Variants in LRRD1 observed in about 807,000 individuals in gnomAD.
LRRD1 encodes leucine rich repeats and death domain containing 1, also known as leucine-rich repeat and death domain-containing protein 1.
LRRD1 carries 49 observed loss-of-function variants against 69.5 expected under a neutral mutation model. The ratio of observed to expected loss-of-function variants is 0.70; its 90% CI spans 0.56 to 0.89. The LOEUF (loss-of-function observed/expected upper bound fraction) is 0.89. Ranked by LOEUF, LRRD1 falls within the 40% of genes least tolerant of loss-of-function variation. The probability of loss-of-function intolerance (pLI) is 0.00; values close to 1 mark genes in which losing one functional copy is unlikely to be tolerated. For synonymous variants in LRRD1, 303 were observed against 338.9 expected, an observed-to-expected ratio of 0.89 and a Z score of 1.16; for missense variants, 853 against 956.0, an observed-to-expected ratio of 0.89 and a Z score of 1.42.
At chr7:92,142,586 A>T (rs954589481), downstream of LRRD1, 2 of 453,072 alleles carry the variant, frequency 4.4e-6, no homozygotes, top group African/African-American at 2.0e-5. Context: ...GACTTCAAGT[A>T]TGAAGCCGAC....
chr7:92,142,763 G>A (rs1179131926), downstream of LRRD1: 4 of 443,280 alleles, frequency 9.0e-6, no homozygotes, highest in Admixed American at 2.5e-5. Context: ...AAGGCGGCGC[G>A]TCTGGAGTTG....
intron 5 of LRRD1, 88 bp downstream of exon 5, chr7:92,145,995 A>T (rs1820314755): frequency 1.5e-6 from 1 of 676,080 alleles, no homozygotes; most frequent in Non-Finnish European, 2.4e-6. Flanking sequence ...GATTGTGTTA[A>T]TACGAATGTT....
intron 2 of LRRD1, among the ~76,000 whole-genome samples, chr7:92,162,947 T>G (rs772724372): frequency 6.6e-6 from 1 of 152,218 alleles, no homozygotes. Context: ...TTTGTCTTAC[T>G]TTTATCACTT....
intron 4 of LRRD1, among the ~76,000 whole-genome samples, chr7:92,149,092 G>A (rs141216597): frequency 6.6e-6 from 1 of 152,286 alleles, no homozygotes; most frequent in East Asian, 1.9e-4. Context: ...AACTTGCACA[G>A]TAAGTTAAAG....
In LRRD1 at chr7:92,153,585, T is replaced by C. The variant is rs184468676; in HGVS notation, c.2117-2890A>G. On this transcript the variant is annotated intron_variant, in intron 3 of 5. Transcript: ENST00000458448. ...TGGCTCATGCCTATAATCTCAGCACTTTGGGAGGCCAAGGCGGGTGGATAA... is the reference window on the plus strand; with the variant it reads ...TGGCTCATGCCTATAATCTCAGCACCTTGGGAGGCCAAGGCGGGTGGATAA... Among the ~76,000 whole-genome samples, 1,018 of 151,740 alleles carry C rather than the reference T, an allele frequency of 6.7e-3. 12 individuals carry two copies. Among genetic ancestry groups the C allele is most frequent in the African/African-American group, 0.023 (968 of 41,464 alleles).
rs573396201 is a variant in LRRD1 at position 92,163,899 on chromosome 7, T to C, written c.1304A>G (p.Asp435Gly). Residue 435 changes from aspartate to glycine, a missense_variant, in exon 2 of 6, where the codon GAC (aspartate) becomes GGC (glycine). Coordinates refer to ENST00000458448, the MANE Select transcript of LRRD1 (RefSeq NM_001161528.2). ...VNRNNMVKIT[D>G]CISHLNNICS... ...TATGTTATTAAGATGTGAGATACAG[T>C]CAGTTATTTTTACCATATTATTTCT... 230 of 1,533,952 alleles carry C rather than the reference T, an allele frequency of 1.5e-4. No individual in the cohort carries two copies. Among genetic ancestry groups the C allele is most frequent in the Non-Finnish European group, 2.0e-4 (223 of 1,140,138 alleles).
chr7:92,144,487 C>T (rs1325542502), downstream of LRRD1, among the ~76,000 whole-genome samples: 3 of 151,860 alleles, frequency 2.0e-5, no homozygotes, highest in South Asian at 2.1e-4. Flanking sequence ...ATTATCCCGG[C>T]GTGGTGGTGG....
chr7:92,158,964 C>CT, intron 3 of LRRD1, 41 bp downstream of exon 3: 5 of 1,478,180 alleles, frequency 3.4e-6, no homozygotes, highest in Non-Finnish European at 4.5e-6. Flanking sequence ...CATTAATACT[C>CT]TACTTATTGA....
intron 4 of LRRD1, among the ~76,000 whole-genome samples, chr7:92,148,775 T>G (rs1820394672): frequency 6.6e-6 from 1 of 152,120 alleles, no homozygotes; most frequent in Admixed American, 6.5e-5. Flanking sequence ...TTAGACGGAG[T>G]CTCGCACTGT....
intron 4 of LRRD1, 44 bp from the exon 5 acceptor site, chr7:92,146,244 TAATC>T (rs1820320457): frequency 1.0e-6 from 1 of 975,290 alleles, no homozygotes; most frequent in Non-Finnish European, 1.5e-6. Context: ...TTGAAAAAGA[TAATC>T]TATTTTGAGT....
intron 2 of LRRD1, among the ~76,000 whole-genome samples, chr7:92,160,467 T>G (rs1788772497): frequency 6.6e-6 from 1 of 152,170 alleles, no homozygotes; most frequent in African/African-American, 2.4e-5. Context: ...GGTACATTAC[T>G]ACAAATCAGA....
chr7:92,165,413 T>C (rs995929785), intron 1 of LRRD1, 137 bp from the exon 2 acceptor site: 9 of 282,852 alleles, frequency 3.2e-5, no homozygotes, highest in Admixed American at 2.9e-4. Context: ...TAATTTTATA[T>C]ATAATTCCTG....
At chr7:92,172,849 T>C (rs1029224330) in intron 1 of LRRD1, among the ~76,000 whole-genome samples, 7 of 151,944 alleles carry the variant, frequency 4.6e-5, no homozygotes, top group African/African-American at 1.7e-4. Context: ...TCCAATCCTA[T>C]AATTTATATG....
At position 92,170,872 on chromosome 7, in the gene LRRD1, A is replaced by G. The variant is rs532827466; in HGVS notation, c.-74-5596T>C. On this transcript the variant is annotated intron_variant, in intron 1 of 5. Transcript: ENST00000458448. ...ATGTTTTCTGACAACAATGGAATAA[A>G]ACAGGAAATCAATATCAAGAGGAAC... 8.5e-5 allele frequency among the ~76,000 whole-genome samples: 13 copies of G among 152,346 alleles called. No individual in the cohort carries two copies. The South Asian group carries it at 2.7e-3, about 32-fold the overall frequency.
At chr7:92,143,493 G>A (rs545271330), downstream of LRRD1, among the ~76,000 whole-genome samples, 1,062 of 152,304 alleles carry the variant, frequency 7.0e-3, 16 homozygotes, top group African/African-American at 0.024. Flanking sequence ...ATGGTGGGCT[G>A]CAGGTCCCGA....
chr7:92,158,942 T>C, intron 3 of LRRD1, 63 bp downstream of exon 3: 1 of 1,349,742 alleles, frequency 7.4e-7, no homozygotes, highest in Non-Finnish European at 1.0e-6. Context: ...TCAGCAAAAT[T>C]TGCAACTCAG....
At chr7:92,170,012 G>A (rs1179787727) in intron 1 of LRRD1, among the ~76,000 whole-genome samples, 2 of 151,352 alleles carry the variant, frequency 1.3e-5, no homozygotes, top group African/African-American at 4.9e-5. Context: ...TGAGGCTGCA[G>A]TTAAGCTGAG....
chr7:92,167,888 A>T (rs1367911962), intron 1 of LRRD1, among the ~76,000 whole-genome samples: 5 of 145,270 alleles, frequency 3.4e-5, no homozygotes, highest in African/African-American at 1.1e-4. Context: ...AAAAAAAAAA[A>T]AAAAAAAAAA....
intron 1 of LRRD1, among the ~76,000 whole-genome samples, chr7:92,170,196 A>G (rs1789022367): frequency 6.6e-6 from 1 of 152,080 alleles, no homozygotes; most frequent in South Asian, 2.1e-4. Flanking sequence ...GAAAGTACTC[A>G]AAAAAAGAGA....
Sources: allele counts gnomAD v4.1 joint callset (sites outside exome capture counted in the v4.1 genomes callset), GRCh38; gene constraint gnomAD v4.1.1; transcripts MANE v1.5; gene names NCBI Gene and HGNC (gene_info 2026-07-23, HGNC 2026-07-21).